The following PTPRD variants were observed in gnomAD, a reference collection of about 807,000 sequenced individuals.
PTPRD encodes receptor-type tyrosine-protein phosphatase delta.
Under a neutral mutation model 214.5 loss-of-function variants are expected in PTPRD, and 34 were observed. The ratio of observed to expected loss-of-function variants is 0.16; its 90% confidence interval spans 0.12 to 0.21. PTPRD has a LOEUF of 0.21. Among genes scored for constraint, PTPRD ranks in the 10% least tolerant of loss-of-function variants. The pLI is 1.00. For missense variants in PTPRD, 2,545 were observed against 2,398.7 expected (o/e 1.06, Z -1.27); for synonymous variants, 1,128 against 845.7 (o/e 1.33, Z -5.79).
intron 14 of PTPRD, among the ~76,000 whole-genome samples, chr9:8,550,391 C>T (rs1266270809): frequency 6.6e-6 from 1 of 152,142 alleles, no homozygotes; most frequent in African/African-American, 2.4e-5. Flanking sequence ...ACCACTACTG[C>T]TGCCACTACT....
chr9:10,223,000 G>C (rs1217002796), intron 3 of PTPRD, among the ~76,000 whole-genome samples: 1 of 152,036 alleles, frequency 6.6e-6, no homozygotes, highest in Non-Finnish European at 1.5e-5. Flanking sequence ...AGAAGTGAAA[G>C]ACAGAGAATG....
intron 14 of PTPRD, among the ~76,000 whole-genome samples, chr9:8,566,301 G>A (rs1262448288): frequency 6.6e-6 from 1 of 152,050 alleles, no homozygotes; most frequent in Non-Finnish European, 1.5e-5. Context: ...AAGAATTGCT[G>A]TTTCGAAATC....
At chr9:8,360,881 C>A (rs916274432) in intron 39 of PTPRD, among the ~76,000 whole-genome samples, 4 of 152,122 alleles carry the variant, frequency 2.6e-5, no homozygotes, top group African/African-American at 9.7e-5. Context: ...GTAAAGAAAC[C>A]AGTTAAACTT....
intron 44 of PTPRD, among the ~76,000 whole-genome samples, chr9:8,327,994 A>T (rs1781212473): frequency 6.6e-6 from 1 of 152,082 alleles, no homozygotes; most frequent in Admixed American, 6.6e-5. Flanking sequence ...GTGTCTTTTA[A>T]TTGGGGGCAT....
At position 9,027,012 on chromosome 9, in the gene PTPRD, T is replaced by C. The variant is rs1446460330; in HGVS notation, c.-142-8277A>G. 1.1e-4 allele frequency among the ~76,000 whole-genome samples: 16 copies of C among 151,468 alleles called. No homozygotes were observed. The Admixed American group carries it at 1.1e-3, about 10-fold the overall frequency. On this transcript the variant is annotated intron_variant, in intron 10 of 45. Coordinates refer to ENST00000381196, the MANE Select transcript of PTPRD (RefSeq NM_002839.4). ...TGAGTGCTGATTTCTTTCTCCCAGT[T>C]ATGGCTTTTCTCCTTCACTGGATAC...
intron 2 of PTPRD, among the ~76,000 whole-genome samples, chr9:10,351,207 A>T (rs933125785): frequency 2.6e-5 from 4 of 151,794 alleles, no homozygotes; most frequent in Non-Finnish European, 4.4e-5. Flanking sequence ...TCAGTTGTAA[A>T]TTTTTTTTTA....
intron 2 of PTPRD, among the ~76,000 whole-genome samples, chr9:10,447,122 G>GTGGAATTACTTGTTCTTAA (rs1334016493): frequency 6.6e-6 from 1 of 152,104 alleles, no homozygotes; most frequent in African/African-American, 2.4e-5. Context: ...GGCGATTCCT[G>GTGGAATTACTTGTTCTTAA]TAGTGGAAGC....
At chr9:10,454,541 C>T (rs933974809) in intron 2 of PTPRD, among the ~76,000 whole-genome samples, 3 of 151,644 alleles carry the variant, frequency 2.0e-5, no homozygotes, top group African/African-American at 7.2e-5. Flanking sequence ...GACTATGCCT[C>T]CTACTTTACT....
intron 12 of PTPRD, among the ~76,000 whole-genome samples, chr9:8,641,635 TGTCTGC>T (rs2096578938): frequency 3.0e-5 from 4 of 133,316 alleles, no homozygotes; most frequent in African/African-American, 1.2e-4. Context: ...TTCTAGAATG[TGTCTGC>T]CAGGCTCGCT....
intron 8 of PTPRD, among the ~76,000 whole-genome samples, chr9:9,519,093 T>A (rs1233194842): frequency 6.6e-6 from 1 of 152,000 alleles, no homozygotes; most frequent in South Asian, 2.1e-4. Context: ...TTAAAATACT[T>A]CTATATAACC....
chr9:9,679,646 C>A (rs912425710), intron 7 of PTPRD, among the ~76,000 whole-genome samples: 1 of 151,706 alleles, frequency 6.6e-6, no homozygotes, highest in Non-Finnish European at 1.5e-5. Flanking sequence ...AAATATAGAC[C>A]AGGTCAAAGT....
rs191153369 is a variant in PTPRD at position 10,216,586 on chromosome 9, G to C, written c.-545+124377C>G. On this transcript the variant is annotated intron_variant, in intron 3 of 45. Coordinates refer to ENST00000381196, the MANE Select transcript of PTPRD (RefSeq NM_002839.4). ...TGATTTTTGTTTGGGTCAATATTAA[G>C]AGAATACTAAAAATGCATACAATGA... is the stretch of plus-strand genomic sequence containing the variant. Among the ~76,000 whole-genome samples the C allele has an allele frequency of 2.3e-3, 350 of 151,962 alleles. 3 individuals are homozygous for C. Among genetic ancestry groups the C allele is most frequent in the African/African-American group, 7.8e-3 (324 of 41,464 alleles).
At chr9:9,604,475 A>G (rs1230130811) in intron 7 of PTPRD, among the ~76,000 whole-genome samples, 1 of 152,072 alleles carries the variant, frequency 6.6e-6, no homozygotes, top group Admixed American at 6.6e-5. Flanking sequence ...TGTATGTTTT[A>G]GAATGTATGC....
intron 3 of PTPRD, among the ~76,000 whole-genome samples, chr9:10,098,485 A>G (rs202195451): frequency 6.6e-6 from 1 of 151,726 alleles, no homozygotes; most frequent in Admixed American, 6.6e-5. Context: ...CTAAAACTTA[A>G]AGTATAATAA....
intron 39 of PTPRD, among the ~76,000 whole-genome samples, chr9:8,374,148 G>A (rs1394541257): frequency 7.3e-6 from 1 of 136,198 alleles, no homozygotes; most frequent in South Asian, 2.3e-4. Flanking sequence ...GTGTGTGTGT[G>A]TGTGTACCGT....
intron 12 of PTPRD, among the ~76,000 whole-genome samples, chr9:8,677,519 T>C (rs796662173): frequency 7.9e-5 from 12 of 151,994 alleles, no homozygotes; most frequent in Non-Finnish European, 7.4e-5. Flanking sequence ...CAGGGCCTAA[T>C]TGAGGGTGGA....
chr9:10,276,422 T>A (rs2154386303), intron 3 of PTPRD, among the ~76,000 whole-genome samples: 1 of 152,326 alleles, frequency 6.6e-6, no homozygotes, highest in South Asian at 2.1e-4. Context: ...ACAACTAATT[T>A]CAGCCATTTG....
intron 3 of PTPRD, among the ~76,000 whole-genome samples, chr9:10,267,544 T>C (rs1048361451): frequency 6.6e-6 from 1 of 152,202 alleles, no homozygotes; most frequent in Non-Finnish European, 1.5e-5. Context: ...AGAAAATTCT[T>C]GCCCAAGGCA....
Position 8,774,613 on chromosome 9 carries a change from C to T in PTPRD, c.-103-40667G>A, listed in dbSNP as rs182892885. On this transcript the variant is annotated intron_variant, in intron 11 of 45. Transcript: ENST00000381196. ...GCAATGGCGCAATCTCGGCCCACTG[C>T]AACCTCCGCCTCCTGGGTTCAAGTG... 1.1e-3 allele frequency among the ~76,000 whole-genome samples: 171 copies of T among 149,506 alleles called. 1 individual carries two copies. Among genetic ancestry groups the T allele is most frequent in the Middle Eastern group, 0.011 (3 of 284 alleles).
Sources: gnomAD v4.1 joint callset for allele counts (sites outside exome capture counted in the v4.1 genomes callset) on GRCh38, gnomAD v4.1.1 for gene constraint, MANE v1.5 for transcripts, NCBI Gene and HGNC (gene_info 2026-07-23, HGNC 2026-07-21) for gene names.